The following PTPRQ variants were observed in gnomAD, a reference collection of about 807,000 sequenced individuals.
The protein encoded by PTPRQ is protein tyrosine phosphatase receptor type Q, also known as phosphatidylinositol phosphatase PTPRQ.
A neutral mutation model predicts 246.0 loss-of-function variants in PTPRQ; 199 were observed. The observed-to-expected ratio is 0.81, with a 90% CI of 0.72 to 0.91. PTPRQ has a LOEUF of 0.91. Among genes scored for constraint, PTPRQ ranks in the 40% least tolerant of loss-of-function variants. The pLI, the probability that PTPRQ is intolerant of heterozygous loss-of-function variation, is 0.00. For synonymous variants in PTPRQ, 869 were observed against 853.2 expected, an observed-to-expected ratio of 1.02 and a Z score of -0.32; for missense variants, 2,624 against 2,528.4, an observed-to-expected ratio of 1.04 and a Z score of -0.81.
chr12:80,594,643 G>A (rs1897909030), intron 26 of PTPRQ, among the ~76,000 whole-genome samples: 1 of 152,010 alleles, frequency 6.6e-6, no homozygotes, highest in South Asian at 2.1e-4. Context: ...TCAGTTTACT[G>A]CACCACTATT....
chr12:80,605,004 C>G (rs1024636840), intron 26 of PTPRQ, 55 bp from the exon 27 acceptor site: 5 of 1,459,752 alleles, frequency 3.4e-6, no homozygotes, highest in Non-Finnish European at 4.5e-6. Flanking sequence ...TATTATTGTG[C>G]TGTAGCAAGT....
chr12:80,602,006 C>T (rs942670285), intron 26 of PTPRQ, among the ~76,000 whole-genome samples: 2 of 151,712 alleles, frequency 1.3e-5, no homozygotes, highest in South Asian at 2.1e-4. Flanking sequence ...ATTAGCATCT[C>T]TTAGCTCATC....
At chr12:80,492,564 A>G (rs1270121035) in intron 9 of PTPRQ, among the ~76,000 whole-genome samples, 1 of 152,000 alleles carries the variant, frequency 6.6e-6, no homozygotes, top group Non-Finnish European at 1.5e-5. Context: ...AGAATCATCT[A>G]GTTAGCTCAA....
At chr12:80,482,314 CT>C (rs1894096135) in intron 8 of PTPRQ, among the ~76,000 whole-genome samples, 1 of 151,734 alleles carries the variant, frequency 6.6e-6, no homozygotes, top group African/African-American at 2.4e-5. Flanking sequence ...GGAAAACTGG[CT>C]AGCCATATGT....
intron 12 of PTPRQ, 81 bp downstream of exon 12, chr12:80,495,452 G>C: frequency 1.4e-6 from 2 of 1,446,184 alleles, no homozygotes; most frequent in South Asian, 3.1e-5. Flanking sequence ...ATCTCCCTGT[G>C]CCTTATATAC....
chr12:80,631,260 C>T (rs1899422561), intron 33 of PTPRQ, among the ~76,000 whole-genome samples: 1 of 151,974 alleles, frequency 6.6e-6, no homozygotes, highest in Admixed American at 6.6e-5. Flanking sequence ...GGGTACTGGG[C>T]TTGATACCTG....
At chr12:80,509,742 C>T (rs1015269150) in intron 16 of PTPRQ, among the ~76,000 whole-genome samples, 5 of 152,196 alleles carry the variant, frequency 3.3e-5, no homozygotes, top group East Asian at 3.9e-4. Context: ...TTCTTATTTA[C>T]GTGCTACATT....
At chr12:80,678,766 C>T in intron 44 of PTPRQ, 41 bp downstream of exon 44, 6 of 1,511,536 alleles carry the variant, frequency 4.0e-6, no homozygotes, top group South Asian at 1.3e-5. Flanking sequence ...TACTAGTTTA[C>T]CACCTACGGT....
chr12:80,498,582 A>C (rs2120667295), intron 14 of PTPRQ, among the ~76,000 whole-genome samples: 1 of 151,972 alleles, frequency 6.6e-6, no homozygotes, highest in Non-Finnish European at 1.5e-5. Flanking sequence ...TGACTGTAAA[A>C]CCCATTTCCC....
intron 30 of PTPRQ, among the ~76,000 whole-genome samples, chr12:80,617,044 CTT>C (rs1273686080): frequency 6.6e-6 from 1 of 151,138 alleles, no homozygotes; most frequent in Non-Finnish European, 1.5e-5. Flanking sequence ...CAAAAAGTAA[CTT>C]TTTTCAGTCT....
chr12:80,660,719 T>C (rs1296595770), intron 39 of PTPRQ, among the ~76,000 whole-genome samples: 38 of 152,058 alleles, frequency 2.5e-4, no homozygotes, highest in Admixed American at 2.5e-3. Flanking sequence ...ATTAGAAACA[T>C]CAGATTTGTT....
chr12:80,521,568 G>C (rs547861418), intron 17 of PTPRQ, among the ~76,000 whole-genome samples: 1 of 151,980 alleles, frequency 6.6e-6, no homozygotes, highest in East Asian at 1.9e-4. Context: ...TCCAGTTTCA[G>C]CTTTCTACAT....
chr12:80,643,654 TAAAG>T (rs1899971533), intron 35 of PTPRQ, among the ~76,000 whole-genome samples: 1 of 151,824 alleles, frequency 6.6e-6, no homozygotes, highest in African/African-American at 2.4e-5. Flanking sequence ...AAGAACAAAA[TAAAG>T]AAAACTAATA....
Position 80,649,619 on chromosome 12 carries a change from G to A in PTPRQ, c.5974G>A (p.Val1992Ile). The A allele has an allele frequency of 1.3e-6, 2 of 1,549,782 alleles. No individual in the cohort carries two copies. Among genetic ancestry groups the A allele is most frequent in the Non-Finnish European group, 1.7e-6 (2 of 1,145,822 alleles). Residue 1992 changes from valine to isoleucine, a missense_variant, in exon 37 of 45, where the codon GTT becomes ATT. Transcript: ENST00000644991. ...AAGCAAGAAATCCTTCCTGCAACAT[G>A]TTGAAGAGCTTTGCACAAACAACAA... The part of the protein sequence containing the change: ...PISKKSFLQH[V>I]EELCTNNNLK...
rs1158704836 is a variant in PTPRQ, at chr12:80,627,241, A to G, written c.5687-4951A>G. Reference sequence around the variant, plus strand: ...TGACTTATGGAATTGAGTAACTTTTAGTAAATTATTTGCTCAGTGTTTGAA... The same window carrying G: ...TGACTTATGGAATTGAGTAACTTTTGGTAAATTATTTGCTCAGTGTTTGAA... On this transcript the variant is annotated intron_variant, in intron 33 of 44. Transcript: ENST00000644991. Among the ~76,000 whole-genome samples, 3 of 151,672 alleles carry G rather than the reference A, an allele frequency of 2.0e-5. No individual in the cohort carries two copies. In the East Asian group the frequency reaches 5.8e-4, roughly 29 times the overall value.
intron 35 of PTPRQ, among the ~76,000 whole-genome samples, chr12:80,641,720 C>T (rs1355348363): frequency 2.6e-5 from 4 of 152,170 alleles, no homozygotes; most frequent in Non-Finnish European, 4.4e-5. Context: ...TATCAATTTT[C>T]AACCAGCACT....
At position 80,619,542 on chromosome 12, in the gene PTPRQ, G is replaced by T; in HGVS notation, c.5389G>T (p.Ala1797Ser). The part of the protein sequence containing the change: ...NVQVLVTETG[A>S]QHDGNVTKWY... ...ACAAGTGCTTGTGACAGAAACAGGA[G>T]GTATCATCACATGTCAATTTATCTT... Residue 1797 changes from alanine to serine, a missense_variant and splice_region_variant, in exon 31 of 45, where the codon GCT becomes TCT. Transcript: ENST00000644991. 1 of 1,520,170 alleles carries T rather than the reference G, an allele frequency of 6.6e-7. No homozygotes were observed. The allele number at this position is 1,520,170 out of a possible 1,614,324, so 94.2% of individuals were successfully genotyped here.
intron 35 of PTPRQ, among the ~76,000 whole-genome samples, chr12:80,636,354 T>A (rs2121181817): frequency 6.6e-6 from 1 of 152,328 alleles, no homozygotes; most frequent in South Asian, 2.1e-4. Context: ...GGGTAACTCA[T>A]CTAAGTAAAA....
At chr12:80,479,253 A>T (rs1310602583) in intron 8 of PTPRQ, among the ~76,000 whole-genome samples, 34 of 149,006 alleles carry the variant, frequency 2.3e-4, no homozygotes, top group African/African-American at 8.4e-4. Context: ...TTTTCAACCC[A>T]GAATTTCATA....
Sources: allele counts gnomAD v4.1 joint callset (sites outside exome capture counted in the v4.1 genomes callset), GRCh38; gene constraint gnomAD v4.1.1; transcripts MANE v1.5; gene names NCBI Gene and HGNC (gene_info 2026-07-23, HGNC 2026-07-21).